COLEC12: variants seen among roughly 807,000 people sequenced by gnomAD.
The protein encoded by COLEC12 is collectin-12.
COLEC12 carries 33 observed loss-of-function variants against 71.1 expected under a neutral mutation model. The observed-to-expected ratio is 0.46, with a 90% CI of 0.35 to 0.62. The LOEUF (loss-of-function observed/expected upper bound fraction) is 0.62. COLEC12 is among the 20% of genes least tolerant of loss of function. The probability of loss-of-function intolerance (pLI) is 0.00; values close to 1 mark genes in which losing one functional copy is unlikely to be tolerated. For synonymous variants in COLEC12, 350 were observed against 353.0 expected (o/e 0.99, Z 0.10); for missense variants, 765 against 916.1 (o/e 0.84, Z 2.13).
intron 2 of COLEC12, among the ~76,000 whole-genome samples, chr18:381,689 A>G (rs1915234250): frequency 6.6e-6 from 1 of 152,252 alleles, no homozygotes; most frequent in Non-Finnish European, 1.5e-5. Context: ...AATATTCACT[A>G]AAACATTACT....
At chr18:464,857 T>G (rs1390543339) in intron 2 of COLEC12, among the ~76,000 whole-genome samples, 1 of 152,214 alleles carries the variant, frequency 6.6e-6, no homozygotes, top group Admixed American at 6.5e-5. Context: ...TATTGAGAGT[T>G]AGCAGGTTCA....
intron 2 of COLEC12, among the ~76,000 whole-genome samples, chr18:360,114 C>T (rs1914711222): frequency 6.6e-6 from 1 of 151,808 alleles, no homozygotes; most frequent in African/African-American, 2.4e-5. Context: ...TCACTTGAAG[C>T]AGTCATTAAA....
At chr18:384,702 C>T (rs193243214) in intron 2 of COLEC12, among the ~76,000 whole-genome samples, 2 of 152,314 alleles carry the variant, frequency 1.3e-5, no homozygotes, top group Non-Finnish European at 2.9e-5. Flanking sequence ...AACTGGACTC[C>T]ATGACCTTTA....
At chr18:370,303 T>C (rs1302747704) in intron 2 of COLEC12, among the ~76,000 whole-genome samples, 1 of 152,220 alleles carries the variant, frequency 6.6e-6, no homozygotes, top group Non-Finnish European at 1.5e-5. Flanking sequence ...ATTTTTATGG[T>C]ATAATCACTT....
intron 2 of COLEC12, among the ~76,000 whole-genome samples, chr18:454,708 C>T (rs1231625101): frequency 6.6e-6 from 1 of 152,014 alleles, no homozygotes; most frequent in Non-Finnish European, 1.5e-5. Context: ...AACAGAATAG[C>T]CACTCCTCTC....
At chr18:491,486 G>T (rs1294285471) in intron 1 of COLEC12, among the ~76,000 whole-genome samples, 1 of 152,228 alleles carries the variant, frequency 6.6e-6, no homozygotes, top group Non-Finnish European at 1.5e-5. Context: ...GGAGGGAAAT[G>T]TGAACTGACA....
intron 1 of COLEC12, among the ~76,000 whole-genome samples, chr18:487,929 C>T (rs911341947): frequency 4.6e-5 from 7 of 152,040 alleles, no homozygotes; most frequent in Non-Finnish European, 7.3e-5. Context: ...GGTCATCAGA[C>T]AACTGATACA....
intron 8 of COLEC12, among the ~76,000 whole-genome samples, chr18:325,627 C>CTT (rs760407917): frequency 0.026 from 1,337 of 51,780 alleles, 245 homozygotes; most frequent in East Asian, 0.13. Flanking sequence ...AAGGATCAGC[C>CTT]TTTTTTTTTT....
In COLEC12 at chr18:346,327, C is replaced by T. The variant is rs1598332778; in HGVS notation, c.1295G>A (p.Gly432Asp). 2.5e-6 allele frequency: 4 copies of T among 1,612,940 alleles called. No homozygotes were observed. Among genetic ancestry groups the T allele is most frequent in the Non-Finnish European group, 3.4e-6 (4 of 1,179,540 alleles). The change falls in exon 5 of 10, where the codon GGT (glycine) becomes GAT (aspartate). Residue 432 changes from glycine (G) to aspartate (D), a missense_variant. Gly to Asp is a moderately conservative substitution (Grantham distance 94). Transcript: ENST00000400256. This position sits in a 1 kb window ranked among gnomAD's most constrained non-coding sequence, Gnocchi z 4.0. ...TATTGTAAAATTCTTGATGAGCTGA[C>T]CATGCTTGGAGTCTACTAGCTTCAT... ...EEMKLVDSKH[G>D]QLIKNFTILQ... is the part of the protein sequence containing the mutation.
chr18:375,052 T>C (rs1186046436), intron 2 of COLEC12, among the ~76,000 whole-genome samples: 1 of 152,242 alleles, frequency 6.6e-6, no homozygotes, highest in Non-Finnish European at 1.5e-5. Flanking sequence ...AGTTGGCAAC[T>C]GTTCTCATGG....
intron 2 of COLEC12, among the ~76,000 whole-genome samples, chr18:448,727 G>A (rs140435540): frequency 4.4e-4 from 67 of 152,262 alleles, no homozygotes; most frequent in East Asian, 3.3e-3. Context: ...AAATGAAAAT[G>A]ATCAAAAGGA....
Position 480,571 on chromosome 18 carries a change from ACC to A in COLEC12, c.58+134_58+135del. On this transcript the variant is annotated intron_variant, in intron 2 of 9. Coordinates refer to ENST00000400256, the MANE Select transcript of COLEC12 (RefSeq NM_130386.3). This position sits in a 1 kb window ranked among gnomAD's most constrained non-coding sequence, Gnocchi z 4.1. ...CTGGGACACAGACACTCACTTTCCA[ACC>A]AAAATTGGACCTCAGAGCCACAAAC... 1.3e-6 allele frequency: 1 copy of A among 780,938 alleles called. No individual in the cohort carries two copies. Among genetic ancestry groups the A allele is most frequent in the Admixed American group, 1.9e-5 (1 of 51,820 alleles). 48.4% of individuals were successfully genotyped at this position (780,938 alleles called of 1,614,324 possible).
chr18:353,752 A>G (rs1460761011), intron 3 of COLEC12, among the ~76,000 whole-genome samples: 2 of 152,196 alleles, frequency 1.3e-5, no homozygotes, highest in Admixed American at 6.5e-5. Flanking sequence ...TCTCTCTGGG[A>G]CCTGGGGCTT....
At chr18:383,017 G>T (rs1023133053) in intron 2 of COLEC12, among the ~76,000 whole-genome samples, 2 of 151,978 alleles carry the variant, frequency 1.3e-5, no homozygotes, top group Non-Finnish European at 2.9e-5. Flanking sequence ...ATGCATTCTG[G>T]CCTGCACCTC....
At chr18:320,736 A>G (rs548223228) in intron 9 of COLEC12, among the ~76,000 whole-genome samples, 1 of 152,286 alleles carries the variant, frequency 6.6e-6, no homozygotes, top group East Asian at 1.9e-4. Flanking sequence ...CCCCATACCC[A>G]TTAGCATTCA....
chr18:387,573 T>C (rs1477152166), intron 2 of COLEC12, among the ~76,000 whole-genome samples: 1 of 152,174 alleles, frequency 6.6e-6, no homozygotes, highest in Non-Finnish European at 1.5e-5. Context: ...GTCAATGACA[T>C]AGTGCAATCC....
chr18:363,351 G>T (rs763379087), intron 2 of COLEC12, among the ~76,000 whole-genome samples: 1 of 152,196 alleles, frequency 6.6e-6, no homozygotes, highest in African/African-American at 2.4e-5. Flanking sequence ...GGTGGAGGCC[G>T]GCACTGTGGG....
chr18:430,677 C>A (rs958372059), intron 2 of COLEC12, among the ~76,000 whole-genome samples: 1 of 152,132 alleles, frequency 6.6e-6, no homozygotes, highest in Non-Finnish European at 1.5e-5. Flanking sequence ...TTATTTTCAA[C>A]CTACTTTTCT....
chr18:368,982 ATTG>A (rs1914933937), intron 2 of COLEC12, among the ~76,000 whole-genome samples: 1 of 152,170 alleles, frequency 6.6e-6, no homozygotes. Context: ...GTGACCCCCA[ATTG>A]TTGTTATCTC....
Sources: allele counts gnomAD v4.1 joint callset (sites outside exome capture counted in the v4.1 genomes callset), GRCh38; gene constraint gnomAD v4.1.1; non-coding constraint Gnocchi (gnomAD v3.1); transcripts MANE v1.5; gene names NCBI Gene and HGNC (gene_info 2026-07-23, HGNC 2026-07-21).